The following QTGAL variants were observed in gnomAD, a reference collection of about 807,000 sequenced individuals.
The protein encoded by QTGAL is queuosine-tRNA galactosyltransferase.
At chr17:83,029,620 G>A in the QTGAL span, among the ~76,000 whole-genome samples, 3 of 152,138 alleles carry the variant, frequency 2.0e-5, no homozygotes, top group Non-Finnish European at 2.9e-5. Flanking sequence ...AGGCTGGGGG[G>A]AGCCGGGGAA....
At chr17:83,037,980 T>C in the QTGAL span, among the ~76,000 whole-genome samples, 1 of 152,134 alleles carries the variant, frequency 6.6e-6, no homozygotes, top group Non-Finnish European at 1.5e-5. This position sits in a 1 kb window ranked among gnomAD's most constrained non-coding sequence, Gnocchi z 5.2. Flanking sequence ...GGCGGCGAGA[T>C]ATTAACATTC....
At chr17:82,955,374 T>G in the QTGAL span, among the ~76,000 whole-genome samples, 1 of 152,148 alleles carries the variant, frequency 6.6e-6, no homozygotes, top group African/African-American at 2.4e-5. Context: ...CACTGGTCAT[T>G]AGAGAAATGC....
chr17:82,955,892 A>G, the QTGAL span, among the ~76,000 whole-genome samples: 2 of 151,892 alleles, frequency 1.3e-5, no homozygotes, highest in Non-Finnish European at 2.9e-5. Flanking sequence ...GCAAACTAAC[A>G]CAGGAACAGA....
the QTGAL span, among the ~76,000 whole-genome samples, chr17:83,013,188 C>T: frequency 2.0e-5 from 3 of 152,110 alleles, no homozygotes; most frequent in Non-Finnish European, 4.4e-5. Context: ...CCACAGAAGG[C>T]CCTGCAGCCA....
chr17:83,050,814 G>A, the QTGAL span, among the ~76,000 whole-genome samples: 19,114 of 150,704 alleles, frequency 0.13, 1,376 homozygotes, highest in South Asian at 0.23. Context: ...CGGAGGAGGT[G>A]TGCAGGTAGG....
At chr17:82,977,387 T>C in the QTGAL span, among the ~76,000 whole-genome samples, 37 of 152,108 alleles carry the variant, frequency 2.4e-4, no homozygotes, top group South Asian at 7.7e-3. Flanking sequence ...TGAGGTCGGG[T>C]CTGGGGTTGC....
chr17:82,952,032 CGTG>C, the QTGAL span, among the ~76,000 whole-genome samples: 1 of 152,166 alleles, frequency 6.6e-6, no homozygotes, highest in Non-Finnish European at 1.5e-5. Context: ...GGGTTGCTCT[CGTG>C]GGGCTGCCAC....
At chr17:82,979,057 C>G in the QTGAL span, among the ~76,000 whole-genome samples, 326 of 152,054 alleles carry the variant, frequency 2.1e-3, 2 homozygotes, top group African/African-American at 7.3e-3. Context: ...ACTCAGCTTC[C>G]ACATTAGAAA....
chr17:82,970,610 ACCTCCC>A, the QTGAL span, among the ~76,000 whole-genome samples: 3 of 139,816 alleles, frequency 2.1e-5, 1 homozygote, highest in African/African-American at 3.1e-5. Flanking sequence ...CGTGGCCGCG[ACCTCCC>A]CACCCGGCGT....
chr17:82,975,274 CT>C, the QTGAL span, among the ~76,000 whole-genome samples: 1 of 33,296 alleles, frequency 3.0e-5, no homozygotes, highest in Non-Finnish European at 5.6e-5. Flanking sequence ...CCGGAGGCCA[CT>C]TATGGGGAAC....
chr17:82,960,763 A>G, the QTGAL span, among the ~76,000 whole-genome samples: 1 of 152,224 alleles, frequency 6.6e-6, no homozygotes, highest in Non-Finnish European at 1.5e-5. Flanking sequence ...TAAAGGGAGC[A>G]CAGGGTTTCA....
the QTGAL span, among the ~76,000 whole-genome samples, chr17:83,021,085 G>T: frequency 6.6e-6 from 1 of 152,130 alleles, no homozygotes; most frequent in African/African-American, 2.4e-5. Context: ...ATACTTTATG[G>T]ACATCTGTGT....
the QTGAL span, among the ~76,000 whole-genome samples, chr17:82,960,637 C>A: frequency 6.6e-6 from 1 of 152,156 alleles, no homozygotes; most frequent in Non-Finnish European, 1.5e-5. Context: ...CAGCACTGGG[C>A]GCGTCCTCAC....
chr17:83,041,569 GC>G, the QTGAL span, among the ~76,000 whole-genome samples: 1 of 152,194 alleles, frequency 6.6e-6, no homozygotes, highest in South Asian at 2.1e-4. Flanking sequence ...AACAATGAAG[GC>G]CACAGGCAAT....
the QTGAL span, chr17:83,051,638 G>A: frequency 8.4e-7 from 1 of 1,188,986 alleles, no homozygotes; most frequent in East Asian, 3.2e-5. Flanking sequence ...GAGGCGGTGC[G>A]GGGCTGCGAA....
the QTGAL span, among the ~76,000 whole-genome samples, chr17:82,974,357 C>T: frequency 3.9e-5 from 6 of 152,192 alleles, no homozygotes; most frequent in Admixed American, 1.3e-4. Context: ...CTTGGCTGAA[C>T]GCTGGCCGCC....
chr17:82,968,427 T>C, the QTGAL span, among the ~76,000 whole-genome samples: 1 of 149,948 alleles, frequency 6.7e-6, no homozygotes, highest in Non-Finnish European at 1.5e-5. Flanking sequence ...GGTGCACAGA[T>C]GTCTGTCAGC....
the QTGAL span, among the ~76,000 whole-genome samples, chr17:83,026,673 A>G: frequency 0.011 from 134 of 12,196 alleles, 3 homozygotes; most frequent in African/African-American, 0.02. Context: ...CACACAGAGC[A>G]GGGCGGGGAG....
the QTGAL span, among the ~76,000 whole-genome samples, chr17:82,958,832 T>TGTGTGTGTACACTGGGGGTGTATG: frequency 1.7e-5 from 2 of 120,996 alleles, 1 homozygote; most frequent in South Asian, 5.5e-4. Flanking sequence ...GGGTGTATGG[T>TGTGTGTGTACACTGGGGGTGTATG]GTGTGTGTGT....
Sources: gnomAD v4.1 joint callset for allele counts (sites outside exome capture counted in the v4.1 genomes callset) on GRCh38, gnomAD v4.1.1 for gene constraint, Gnocchi (gnomAD v3.1) non-coding constraint, MANE v1.5 for transcripts, NCBI Gene and HGNC (gene_info 2026-07-23, HGNC 2026-07-21) for gene names.